Variants in LAX1 observed in about 807,000 individuals in gnomAD.
LAX1 encodes the protein lymphocyte transmembrane adaptor 1, also known as lymphocyte transmembrane adapter 1.
A neutral mutation model predicts 20.7 loss-of-function variants in LAX1; 17 were observed. The observed-to-expected ratio is 0.82, with a 90% confidence interval of 0.56 to 1.23. The LOEUF is 1.23. LAX1 is among the 50% of genes most tolerant of loss of function. The pLI is 0.00. For missense variants in LAX1, 470 were observed against 487.0 expected (o/e 0.97, Z 0.33); for synonymous variants, 165 against 181.0 (o/e 0.91, Z 0.71).
intron 1 of LAX1, among the ~76,000 whole-genome samples, chr1:203,770,477 G>GA (rs1667392318): frequency 1.6e-4 from 7 of 42,770 alleles, no homozygotes; most frequent in East Asian, 2.1e-3. Flanking sequence ...AAGGAAGGAA[G>GA]GAAGGAAGGA....
Position 203,765,451 on chromosome 1 carries a change from G to A in LAX1, c.-115G>A. The A allele has an allele frequency of 6.4e-7, 1 of 1,559,072 alleles. No individual in the cohort carries two copies. ...CCTGACGTTTCAGAGGTAGACACGA[G>A]ATAGGGAGTTTGTTGCGGGGGTGGG... On this transcript the variant is annotated 5_prime_UTR_variant, in exon 1 of 5. Coordinates refer to ENST00000442561, the MANE Select transcript of LAX1 (RefSeq NM_017773.4).
At position 203,768,883 on chromosome 1, in the gene LAX1, G is replaced by A. The variant is rs1452332471; in HGVS notation, c.90-1945G>A. ...AGAGGAGCAAGAGGTGGTTGGGTTT[G>A]GGATAAATGCCCAGGGTAATGCAGC... On this transcript the variant is annotated intron_variant, in intron 1 of 4. Coordinates refer to ENST00000442561, the MANE Select transcript of LAX1 (RefSeq NM_017773.4). 2.0e-5 allele frequency among the ~76,000 whole-genome samples: 3 copies of A among 152,170 alleles called. No individual in the cohort carries two copies. The East Asian group carries it at 5.8e-4, about 29-fold the overall frequency.
chr1:203,770,725 G>T lies in LAX1; in HGVS notation c.90-103G>T, dbSNP rs879039411. 9 of 896,894 alleles carry T rather than the reference G, an allele frequency of 1.0e-5. No homozygotes were observed. In the South Asian group the frequency reaches 1.1e-4, roughly 11 times the overall value. The allele number at this position is 896,894 out of a possible 1,614,324, so 55.6% of individuals were successfully genotyped here. A position where few individuals can be genotyped will look rare whatever the true frequency, so the allele number is the denominator to read the frequency against. On this transcript the variant is annotated intron_variant, in intron 1 of 4. Transcript: ENST00000442561. ...ACCCCACCTGGGCTTTCCTTCACTCGGCTCCCATTCCAAATCTTCAGGCTC... is the reference window on the plus strand; with the variant it reads ...ACCCCACCTGGGCTTTCCTTCACTCTGCTCCCATTCCAAATCTTCAGGCTC...
Position 203,772,165 on chromosome 1 carries a change from T to C in LAX1, c.390+18T>C. ...AGCATGTGGTAAGAGTCAAGCTTCT[T>C]GGGAGAATGACATGTCTCTGGCAGA... On this transcript the variant is annotated intron_variant, in intron 4 of 4. Coordinates refer to ENST00000442561, the MANE Select transcript of LAX1 (RefSeq NM_017773.4). 6.3e-7 allele frequency: 1 copy of C among 1,581,624 alleles called. No homozygotes were observed. The highest frequency in any genetic ancestry group is 8.7e-7 in the Non-Finnish European group (1 of 1,150,252).
Position 203,765,491 on chromosome 1 carries a change from A to C in LAX1, c.-75A>C. The C allele has an allele frequency of 6.3e-7, 1 of 1,595,496 alleles. No homozygotes were observed. The highest frequency in any genetic ancestry group is 1.7e-4 in the Middle Eastern group (1 of 6,040). ...GCGGGGGTGGGGAGAAGTGGTAGACATGCTGGCTAACTGATTATGATTAAG... is the reference window on the plus strand; with the variant it reads ...GCGGGGGTGGGGAGAAGTGGTAGACCTGCTGGCTAACTGATTATGATTAAG... On this transcript the variant is annotated 5_prime_UTR_variant, in exon 1 of 5. It removes an upstream start codon present in the reference 5' UTR. Coordinates refer to ENST00000442561, the MANE Select transcript of LAX1 (RefSeq NM_017773.4).
At chr1:203,768,473 C>T (rs1260061344) in intron 1 of LAX1, among the ~76,000 whole-genome samples, 1 of 152,132 alleles carries the variant, frequency 6.6e-6, no homozygotes, top group Non-Finnish European at 1.5e-5. Context: ...GCCATGCAGA[C>T]AGCTGGGAGA....
chr1:203,770,847 A>G lies in LAX1; in HGVS notation c.109A>G (p.Asn37Asp). Reference protein sequence around the residue: ...SLDRNKDQITNIFSGFAGLLA... With the variant: ...SLDRNKDQITDIFSGFAGLLA... Reference sequence around the variant, plus strand: ...TTCTAGAAATAAAGACCAGATCACCAACATCTTTTCCGGGTTTGCGGGACT... The same window carrying G: ...TTCTAGAAATAAAGACCAGATCACCGACATCTTTTCCGGGTTTGCGGGACT... The change falls in exon 2 of 5, where the codon AAC (asparagine) becomes GAC (aspartate). Residue 37 changes from asparagine to aspartate, a missense_variant. Coordinates refer to ENST00000442561, the MANE Select transcript of LAX1 (RefSeq NM_017773.4). 6.2e-7 allele frequency: 1 copy of G among 1,614,050 alleles called. No homozygotes were observed. The highest frequency in any genetic ancestry group is 8.5e-7 in the Non-Finnish European group (1 of 1,179,938).
rs1235047767 is a variant in LAX1, at chr1:203,771,395, C to T, written c.228C>T (p.Val76=). The T allele has an allele frequency of 1.7e-5, 28 of 1,613,564 alleles. No individual in the cohort carries two copies. The highest frequency in any genetic ancestry group is 2.7e-5 in the African/African-American group (2 of 74,910). Residue 76 remains valine, a synonymous_variant, in exon 3 of 5, where the codon GTC becomes GTT. Coordinates refer to ENST00000442561, the MANE Select transcript of LAX1 (RefSeq NM_017773.4). Reference sequence around the variant, plus strand: ...AAGTTCCTTACCTCCGAGTTACCGTCATGCCCTTGCTGACTTTGCCACAAA... The same window carrying T: ...AAGTTCCTTACCTCCGAGTTACCGTTATGCCCTTGCTGACTTTGCCACAAA... ...KRQVPYLRVT[V]MPLLTLPQTR... is the part of the protein sequence containing the mutation.
At chr1:203,772,836 TG>T (rs1667444407) in intron 4 of LAX1, among the ~76,000 whole-genome samples, 2 of 151,614 alleles carry the variant, frequency 1.3e-5, no homozygotes, top group Admixed American at 6.6e-5. Flanking sequence ...CCACCACGCC[TG>T]GCTAACTTTC....
Position 203,769,402 on chromosome 1 carries a change from A to G in LAX1, c.90-1426A>G, listed in dbSNP as rs146933946. 1.1e-3 allele frequency among the ~76,000 whole-genome samples: 80 copies of G among 71,836 alleles called. 2 individuals are homozygous for G. The South Asian group carries it at 0.016, about 15-fold the overall frequency. 47.1% of individuals were successfully genotyped at this position (71,836 alleles called of 152,430 possible). On this transcript the variant is annotated intron_variant, in intron 1 of 4. Transcript: ENST00000442561. ...GCGAGACTCTGTCTCAAAAAAAAAG[A>G]AAGAAAGAAAGAAAGAAAGAAAGAA...
intron 4 of LAX1, among the ~76,000 whole-genome samples, 198 bp from the exon 5 acceptor site, chr1:203,773,671 CCACCCG>C (rs1433205433): frequency 2.0e-5 from 3 of 150,452 alleles, no homozygotes; most frequent in Admixed American, 6.7e-5. Context: ...TATTTTCGTC[CCACCCG>C]CACCCCCCCA....
rs1345151667 is a variant in LAX1 at position 203,765,409 on chromosome 1, A to T, written c.-157A>T. ...GTAGAACCAAACCTGTTGCTTTTGT[A>T]TGTTGGGTCAACTTGGCCTGACGTT... is the stretch of plus-strand genomic sequence containing the variant. On this transcript the variant is annotated 5_prime_UTR_variant, in exon 1 of 5. The change abolishes an upstream ATG in the 5' untranslated region. Coordinates refer to ENST00000442561, the MANE Select transcript of LAX1 (RefSeq NM_017773.4). 5 of 1,551,936 alleles carry T rather than the reference A, an allele frequency of 3.2e-6. No homozygotes were observed. The highest frequency in any genetic ancestry group is 4.4e-6 in the Non-Finnish European group (5 of 1,147,120).
chr1:203,770,429 AAGAAAGAGAG>A (rs1314860001), intron 1 of LAX1, among the ~76,000 whole-genome samples: 1 of 20,506 alleles, frequency 4.9e-5, no homozygotes, highest in Non-Finnish European at 1.1e-3. Context: ...GAAAGAAAGA[AAGAAAGAGAG>A]AGAGAGAGAG....
At position 203,770,845 on chromosome 1, in the gene LAX1, CCAA is replaced by C. The variant is rs1418506691; in HGVS notation, c.110_112del (p.Asn37del). 1.2e-6 allele frequency: 2 copies of C among 1,614,040 alleles called. No individual in the cohort carries two copies. Among genetic ancestry groups the C allele is most frequent in the South Asian group, 2.2e-5 (2 of 91,084 alleles). ...TTTTCTAGAAATAAAGACCAGATCACCAACATCTTTTCCGGGTTTGCGGGACTC... is the reference window on the plus strand; with the variant it reads ...TTTTCTAGAAATAAAGACCAGATCACCATCTTTTCCGGGTTTGCGGGACTC... On this transcript the variant is annotated inframe_deletion, in exon 2 of 5. Coordinates refer to ENST00000442561, the MANE Select transcript of LAX1 (RefSeq NM_017773.4).
chr1:203,765,348 A>G lies in LAX1; in HGVS notation c.-218A>G. The G allele has an allele frequency of 2.6e-6, 4 of 1,551,662 alleles. No individual in the cohort carries two copies. Among genetic ancestry groups the G allele is most frequent in the Non-Finnish European group, 3.5e-6 (4 of 1,146,972 alleles). On this transcript the variant is annotated 5_prime_UTR_variant, in exon 1 of 5. Coordinates refer to ENST00000442561, the MANE Select transcript of LAX1 (RefSeq NM_017773.4). ...CTTGGAAGCACCATGTCCGGATGAG[A>G]TCGCACTTCCTGCAGTGGGCATTAG... is the stretch of plus-strand genomic sequence containing the variant.
Position 203,775,403 on chromosome 1 carries a change from A to AG in LAX1, c.*722_*723insG, listed in dbSNP as rs1249230249. Reference sequence around the variant, plus strand: ...GCGAGACTCCCTCTCAAAAAAAAAAACAAACAAAAAAGAAGTGTGGGCAAC... The same window carrying AG: ...GCGAGACTCCCTCTCAAAAAAAAAAAGCAAACAAAAAAGAAGTGTGGGCAAC... On this transcript the variant is annotated 3_prime_UTR_variant, in exon 5 of 5. Coordinates refer to ENST00000442561, the MANE Select transcript of LAX1 (RefSeq NM_017773.4). 6.6e-6 allele frequency: 1 copy of AG among 152,166 alleles called. No individual in the cohort carries two copies. The highest frequency in any genetic ancestry group is 1.5e-5 in the Non-Finnish European group (1 of 68,062). The allele number at this position is 152,166 out of a possible 1,614,324, so 9.4% of individuals were successfully genotyped here. A position where few individuals can be genotyped will look rare whatever the true frequency, so the allele number is the denominator to read the frequency against.
rs1558070770 is a variant in LAX1 at position 203,770,487 on chromosome 1, AAGGAAGGAAGG to A, written c.90-339_90-329del. The stretch of plus-strand genomic sequence containing the variant: ...GAAGGAAGGAAGGAAGGAAGGAAGG[AAGGAAGGAAGG>A]AAGGAAGGAAGGAAGAAAGAAAGAA... On this transcript the variant is annotated intron_variant, in intron 1 of 4. Coordinates refer to ENST00000442561, the MANE Select transcript of LAX1 (RefSeq NM_017773.4). Among the ~76,000 whole-genome samples, 12 of 77,366 alleles carry A rather than the reference AAGGAAGGAAGG, an allele frequency of 1.6e-4. No individual in the cohort carries two copies. The East Asian group carries it at 6.4e-3, about 41-fold the overall frequency. The allele number at this position is 77,366 out of a possible 152,430, so 50.8% of individuals were successfully genotyped here. A position where few individuals can be genotyped will look rare whatever the true frequency, so the allele number is the denominator to read the frequency against.
intron 1 of LAX1, among the ~76,000 whole-genome samples, chr1:203,768,241 G>A (rs972461194): frequency 3.9e-5 from 6 of 152,272 alleles, no homozygotes; most frequent in Admixed American, 2.0e-4. Context: ...GACCCAGGAG[G>A]GGGAGGTTGT....
rs1298335562 is a variant in LAX1, at chr1:203,765,634, G to A, written c.69G>A (p.Val23=). The change falls in exon 1 of 5, where the codon GTG becomes GTA. Residue 23 remains valine, a synonymous_variant. Transcript: ENST00000442561. ...CCTTGGAGTCCAGCACTCTGCATGTGACTCCCCGCAGCCTGGACAGGTGAG... is the reference window on the plus strand; with the variant it reads ...CCTTGGAGTCCAGCACTCTGCATGTAACTCCCCGCAGCCTGGACAGGTGAG... ...GRTLESSTLH[V]TPRSLDRNKD... is the part of the protein sequence containing the mutation. The A allele has an allele frequency of 6.2e-7, 1 of 1,614,126 alleles. No individual in the cohort carries two copies. The highest frequency in any genetic ancestry group is 1.7e-5 in the Admixed American group (1 of 60,016).
Sources: gnomAD v4.1 joint callset for allele counts (sites outside exome capture counted in the v4.1 genomes callset) on GRCh38, gnomAD v4.1.1 for gene constraint, MANE v1.5 for transcripts, NCBI Gene and HGNC (gene_info 2026-07-23, HGNC 2026-07-21) for gene names.